The following VSTM1 variants were observed in gnomAD, a reference collection of about 807,000 sequenced individuals.
VSTM1 encodes the protein V-set and transmembrane domain-containing protein 1.
VSTM1 carries 27 observed loss-of-function variants against 33.1 expected under a neutral mutation model. That is an observed-to-expected ratio of 0.82 (90% CI 0.60 to 1.12). The LOEUF (loss-of-function observed/expected upper bound fraction) is 1.12. Among genes scored for constraint, VSTM1 ranks in the 50% most tolerant of loss-of-function variants. The pLI is 0.00. For synonymous variants in VSTM1, 115 were observed against 110.3 expected (o/e 1.04, Z -0.27); for missense variants, 304 against 288.9 (o/e 1.05, Z -0.38).
chr19:54,052,259 G>C (rs62147262), intron 3 of VSTM1, among the ~76,000 whole-genome samples: 22,308 of 148,248 alleles, frequency 0.15, 2,390 homozygotes, highest in East Asian at 0.31. Context: ...TTAGCCGAGC[G>C]TGGTGGCGGG....
rs1011463860 is a variant in VSTM1 at position 54,055,872 on chromosome 19, A to G, written c.355+2434T>C. ...CCATTTTCTACTGCACTTGGGGACTATCTCATCCATCTCTCCGTATTAACC... is the reference window on the plus strand; with the variant it reads ...CCATTTTCTACTGCACTTGGGGACTGTCTCATCCATCTCTCCGTATTAACC... On this transcript the variant is annotated intron_variant, in intron 3 of 8. Transcript: ENST00000338372. 2 of 141,994 alleles carry G rather than the reference A, an allele frequency of 1.4e-5. 1 individual carries two copies. Among genetic ancestry groups the G allele is most frequent in the African/African-American group, 5.2e-5 (2 of 38,382 alleles). The allele number at this position is 141,994 out of a possible 1,614,324, so 8.8% of individuals were successfully genotyped here.
intron 4 of VSTM1, among the ~76,000 whole-genome samples, chr19:54,044,646 T>G (rs1003113704): frequency 2.0e-5 from 3 of 152,168 alleles, no homozygotes; most frequent in Non-Finnish European, 4.4e-5. Flanking sequence ...TGAGCAATAT[T>G]GCCATGCAAG....
intron 4 of VSTM1, among the ~76,000 whole-genome samples, chr19:54,042,841 T>TATAC (rs1555752724): frequency 0.024 from 2,276 of 95,562 alleles, 19 homozygotes; most frequent in Non-Finnish European, 0.04. Flanking sequence ...TATATATACA[T>TATAC]ATATATATAT....
intron 3 of VSTM1, among the ~76,000 whole-genome samples, chr19:54,056,408 A>G (rs756340034): frequency 2.2e-5 from 3 of 136,512 alleles, no homozygotes; most frequent in African/African-American, 8.2e-5. Context: ...TTTTGTAGAG[A>G]TGGAGTTTCG....
chr19:54,048,596 A>G (rs983337162), intron 4 of VSTM1, among the ~76,000 whole-genome samples: 3 of 152,216 alleles, frequency 2.0e-5, no homozygotes, highest in African/African-American at 7.2e-5. Flanking sequence ...AACATGATAC[A>G]GCCACAATGG....
chr19:54,042,811 T>TATATATATATATATATATATATATATAC, intron 4 of VSTM1, among the ~76,000 whole-genome samples: 1 of 38,386 alleles, frequency 2.6e-5, no homozygotes, highest in South Asian at 7.3e-4. Flanking sequence ...AATGTGTATA[T>TATATATATATATATATATATATATATAC]ATATATATAT....
intron 3 of VSTM1, among the ~76,000 whole-genome samples, chr19:54,057,969 G>A (rs761496212): frequency 5.3e-5 from 8 of 151,574 alleles, no homozygotes; most frequent in Non-Finnish European, 8.8e-5. Flanking sequence ...GGCCGGGCGC[G>A]GTGGCTCATG....
Position 54,042,812 on chromosome 19 carries a change from A to ATATATATATG in VSTM1, c.395-444_395-443insCATATATATA, listed in dbSNP as rs1555752336. ...TGTGTGTATATATAAATGTGTATAT[A>ATATATATATG]TATATATATATATATATATATATAT... On this transcript the variant is annotated intron_variant, in intron 4 of 8. Transcript: ENST00000338372. Among the ~76,000 whole-genome samples, 272 of 39,110 alleles carry ATATATATATG rather than the reference A, an allele frequency of 7.0e-3. 7 individuals are homozygous for ATATATATATG. Among genetic ancestry groups the ATATATATATG allele is most frequent in the African/African-American group, 0.017 (200 of 12,060 alleles). The allele number at this position is 39,110 out of a possible 152,430, so 25.7% of individuals were successfully genotyped here.
At chr19:54,047,461 T>A (rs540263862) in intron 4 of VSTM1, among the ~76,000 whole-genome samples, 67 of 152,010 alleles carry the variant, frequency 4.4e-4, no homozygotes, top group Non-Finnish European at 7.8e-4. Flanking sequence ...CCCCGCTAAT[T>A]TTTTATATTT....
At chr19:54,042,814 A>ATATATATGTATG (rs1371648562) in intron 4 of VSTM1, among the ~76,000 whole-genome samples, 1 of 43,488 alleles carries the variant, frequency 2.3e-5, no homozygotes, top group African/African-American at 7.2e-5. Context: ...GTGTATATAT[A>ATATATATGTATG]TATATATATA....
rs754154276 is a variant in VSTM1 at position 54,063,822 on chromosome 19, C to T, written c.-45G>A. 5.6e-6 allele frequency: 9 copies of T among 1,611,506 alleles called. No individual in the cohort carries two copies. In the African/African-American group the frequency reaches 1.1e-4, roughly 19 times the overall value. ...CCAAGGCCCCGCCTTGGGTTTTACC[C>T]TTCAAAGGCGGAGCGGGACTGGGCC... On this transcript the variant is annotated 5_prime_UTR_variant, in exon 1 of 9. Coordinates refer to ENST00000338372, the MANE Select transcript of VSTM1 (RefSeq NM_198481.4).
chr19:54,063,729 G>A lies in VSTM1; in HGVS notation c.34+15C>T, dbSNP rs994207678. ...CACCAGCCCAAGCCCATTCGTCCCA[G>A]TCCTGGAGACTCACCGAGGCAAAGC... On this transcript the variant is annotated intron_variant, in intron 1 of 8. Coordinates refer to ENST00000338372, the MANE Select transcript of VSTM1 (RefSeq NM_198481.4). 3 of 1,613,630 alleles carry A rather than the reference G, an allele frequency of 1.9e-6. No individual in the cohort carries two copies. In the East Asian group the frequency reaches 6.7e-5, roughly 36 times the overall value.
At chr19:54,062,639 G>A (rs1021478886) in intron 1 of VSTM1, among the ~76,000 whole-genome samples, 1 of 150,668 alleles carries the variant, frequency 6.6e-6, no homozygotes, top group Non-Finnish European at 1.5e-5. Flanking sequence ...CAGGAGAATC[G>A]CTTGAACCCA....
At chr19:54,042,837 T>TATAC (rs1320221580) in intron 4 of VSTM1, among the ~76,000 whole-genome samples, 2,461 of 66,296 alleles carry the variant, frequency 0.037, 42 homozygotes, top group Non-Finnish European at 0.046. Flanking sequence ...TATATATATA[T>TATAC]ACATATATAT....
intron 4 of VSTM1, among the ~76,000 whole-genome samples, chr19:54,042,771 T>A (rs2070356771): frequency 7.1e-6 from 1 of 141,054 alleles, no homozygotes; most frequent in Admixed American, 7.4e-5. Flanking sequence ...TATATATATA[T>A]AAATGTATAT....
intron 3 of VSTM1, among the ~76,000 whole-genome samples, chr19:54,056,885 C>A (rs1021369719): frequency 3.6e-5 from 5 of 138,710 alleles, no homozygotes; most frequent in Admixed American, 1.5e-4. Context: ...CGGAGTCTTG[C>A]TCTTTCATCC....
chr19:54,041,694 C>T, intron 8 of VSTM1, 85 bp downstream of exon 8: 1 of 1,414,042 alleles, frequency 7.1e-7, no homozygotes, highest in Non-Finnish European at 9.8e-7. Flanking sequence ...GTATACATTT[C>T]TGTATGGGCT....
In VSTM1 at chr19:54,040,926, TC is replaced by T. The variant is rs1351174048; in HGVS notation, c.*34del. On this transcript the variant is annotated 3_prime_UTR_variant, in exon 9 of 9. Coordinates refer to ENST00000338372, the MANE Select transcript of VSTM1 (RefSeq NM_198481.4). Reference sequence around the variant, plus strand: ...TTTCCGATAACCTTGGCCAGCACGATCCCCCCTCCTTTAGTGGCCAGGGCTG... The same window carrying T: ...TTTCCGATAACCTTGGCCAGCACGATCCCCCTCCTTTAGTGGCCAGGGCTG... The T allele has an allele frequency of 1.2e-6, 2 of 1,602,770 alleles. No individual in the cohort carries two copies. The highest frequency in any genetic ancestry group is 1.7e-6 in the Non-Finnish European group (2 of 1,175,044).
intron 3 of VSTM1, among the ~76,000 whole-genome samples, chr19:54,052,212 C>G (rs1297831636): frequency 1.3e-5 from 2 of 150,944 alleles, no homozygotes; most frequent in African/African-American, 4.9e-5. Context: ...TCCTGGCTAA[C>G]ATGGTGAAAC....
Sources: gnomAD v4.1 joint callset for allele counts (sites outside exome capture counted in the v4.1 genomes callset) on GRCh38, gnomAD v4.1.1 for gene constraint, MANE v1.5 for transcripts, NCBI Gene and HGNC (gene_info 2026-07-23, HGNC 2026-07-21) for gene names.